Variants in STK3 observed in about 807,000 individuals in gnomAD.
STK3 encodes serine/threonine-protein kinase 3.
STK3 carries 41 observed loss-of-function variants against 58.0 expected under a neutral mutation model. The observed-to-expected ratio is 0.71, with a 90% CI of 0.55 to 0.92. STK3 has a LOEUF of 0.92. Ranked by LOEUF, STK3 falls within the 40% of genes least tolerant of loss-of-function variation. STK3 has a pLI of 0.00. For missense variants in STK3, 479 were observed against 602.7 expected, an observed-to-expected ratio of 0.79 and a Z score of 2.15; for synonymous variants, 170 against 191.0, an observed-to-expected ratio of 0.89 and a Z score of 0.91.
chr8:98,838,456 C>A (rs767808497), intron 3 of STK3, among the ~76,000 whole-genome samples: 58 of 151,860 alleles, frequency 3.8e-4, no homozygotes, highest in Non-Finnish European at 7.5e-4. Context: ...TAAGAATACC[C>A]CTAGATAAAT....
intron 5 of STK3, 137 bp downstream of exon 5, chr8:98,707,010 A>G: frequency 1.1e-6 from 1 of 930,082 alleles, no homozygotes; most frequent in Non-Finnish European, 1.5e-6. Context: ...ATTTGGCTCA[A>G]TTATGGTTCC....
At chr8:98,834,294 A>G (rs1835667431) in intron 3 of STK3, among the ~76,000 whole-genome samples, 1 of 152,172 alleles carries the variant, frequency 6.6e-6, no homozygotes, top group Non-Finnish European at 1.5e-5. Context: ...GTGCATATTC[A>G]TGGCAACTTG....
chr8:98,628,303 T>C (rs914779790), intron 6 of STK3, among the ~76,000 whole-genome samples: 1 of 152,222 alleles, frequency 6.6e-6, no homozygotes, highest in Non-Finnish European at 1.5e-5. Flanking sequence ...TCCCAACCAC[T>C]TGGTCTGGCT....
chr8:98,734,669 C>T (rs1378678281), intron 4 of STK3, among the ~76,000 whole-genome samples: 1 of 152,090 alleles, frequency 6.6e-6, no homozygotes, highest in Non-Finnish European at 1.5e-5. Context: ...TTCTACTCTG[C>T]AGTATATGTT....
At chr8:98,760,600 T>C (rs1228574261) in intron 3 of STK3, among the ~76,000 whole-genome samples, 1 of 152,202 alleles carries the variant, frequency 6.6e-6, no homozygotes, top group Non-Finnish European at 1.5e-5. Context: ...CCACATTCTA[T>C]GCCTTTCTCT....
rs1818288474 is a variant in STK3 at position 98,428,958 on chromosome 8, A to AAAGAAG, written n.483+5163_483+5168dup. 6.2e-7 allele frequency: 1 copy of AAAGAAG among 1,613,890 alleles called. No individual in the cohort carries two copies. Among genetic ancestry groups the AAAGAAG allele is most frequent in the African/African-American group, 1.3e-5 (1 of 74,892 alleles). ...GGGGGCCACTTTGAAATACAGCTAC[A>AAAGAAG]AAGAAGTAGGGCTGCTCTTGCTCTA... On this transcript the variant is annotated intron_variant and non_coding_transcript_variant, in intron 3 of 3. Transcript: ENST00000517832. This position sits in a 1 kb window ranked among gnomAD's most constrained non-coding sequence, Gnocchi z 6.7.
At chr8:98,674,284 T>C (rs969562512) in intron 6 of STK3, among the ~76,000 whole-genome samples, 8 of 152,144 alleles carry the variant, frequency 5.3e-5, no homozygotes, top group African/African-American at 1.7e-4. Flanking sequence ...ATAAATATTA[T>C]ATTGTTACAT....
intron 6 of STK3, among the ~76,000 whole-genome samples, chr8:98,634,431 C>G (rs953149280): frequency 2.0e-5 from 3 of 151,614 alleles, no homozygotes; most frequent in African/African-American, 7.3e-5. Flanking sequence ...ACCCAGGAAG[C>G]GGAGGTTCCA....
At chr8:98,467,564 G>T (rs1251389577) in intron 10 of STK3, among the ~76,000 whole-genome samples, 2 of 151,814 alleles carry the variant, frequency 1.3e-5, no homozygotes, top group Non-Finnish European at 2.9e-5. Context: ...GTGTGTGTGT[G>T]TGTGTGTGTG....
At chr8:98,741,069 A>G (rs1829162201) in intron 4 of STK3, among the ~76,000 whole-genome samples, 1 of 152,226 alleles carries the variant, frequency 6.6e-6, no homozygotes, top group Non-Finnish European at 1.5e-5. Context: ...TATGCACCCA[A>G]TACAGGAGCA....
At chr8:98,829,218 C>T (rs1387035398), upstream of STK3, among the ~76,000 whole-genome samples, 1 of 152,160 alleles carries the variant, frequency 6.6e-6, no homozygotes, top group East Asian at 1.9e-4. Flanking sequence ...AACTACTCTA[C>T]CTAATTATTC....
chr8:98,548,164 G>C lies in STK3; in HGVS notation c.949-3C>G. ...TGGGAATCCAGCTCATCTTCATCCT[G>C]CAAGCAAAATACTGCAATGAGGGAA... On this transcript the variant is annotated splice_polypyrimidine_tract_variant and splice_region_variant and intron_variant, in intron 8 of 10. Coordinates refer to ENST00000419617, the MANE Select transcript of STK3 (RefSeq NM_006281.4). The C allele has an allele frequency of 6.6e-7, 1 of 1,522,048 alleles. No individual in the cohort carries two copies. Among genetic ancestry groups the C allele is most frequent in the Non-Finnish European group, 8.8e-7 (1 of 1,135,038 alleles). 94.3% of individuals were successfully genotyped at this position (1,522,048 alleles called of 1,614,324 possible). A position where few individuals can be genotyped will look rare whatever the true frequency, so the allele number is the denominator to read the frequency against.
intron 9 of STK3, among the ~76,000 whole-genome samples, chr8:98,528,178 T>C (rs184585846): frequency 1.3e-3 from 198 of 152,316 alleles, no homozygotes; most frequent in Non-Finnish European, 2.1e-4. Flanking sequence ...CAAACTAGTC[T>C]CCTTGCTTCC....
At chr8:98,815,557 C>T (rs1053563449) in intron 1 of STK3, among the ~76,000 whole-genome samples, 1 of 152,160 alleles carries the variant, frequency 6.6e-6, no homozygotes. Context: ...GTCATGTTAT[C>T]TCCTGAAGAG....
At chr8:98,445,127 A>G (rs992020492) in intron 1 of STK3, among the ~76,000 whole-genome samples, 24 of 152,358 alleles carry the variant, frequency 1.6e-4, no homozygotes, top group African/African-American at 5.8e-4. Flanking sequence ...CACGGTTTTT[A>G]ATATATTCAG....
the STK3 span, among the ~76,000 whole-genome samples, chr8:98,360,091 CCT>C: frequency 1.3e-5 from 2 of 152,300 alleles, no homozygotes; most frequent in East Asian, 3.9e-4. Flanking sequence ...TCTTCTGTCC[CCT>C]CTTTGCTGTA....
intron 4 of STK3, among the ~76,000 whole-genome samples, chr8:98,710,183 G>A (rs1054578411): frequency 2.0e-5 from 3 of 152,118 alleles, no homozygotes; most frequent in African/African-American, 7.2e-5. Context: ...GGCTGAATAG[G>A]AACAGCTCCA....
At chr8:98,674,704 G>A (rs1823072196) in intron 6 of STK3, among the ~76,000 whole-genome samples, 1 of 152,050 alleles carries the variant, frequency 6.6e-6, no homozygotes, top group Non-Finnish European at 1.5e-5. Context: ...GAGACTATGA[G>A]GTACTTTCTA....
intron 6 of STK3, among the ~76,000 whole-genome samples, chr8:98,672,378 T>C (rs1203078165): frequency 6.6e-6 from 1 of 152,176 alleles, no homozygotes; most frequent in Non-Finnish European, 1.5e-5. Flanking sequence ...AGAAACCTTG[T>C]ATGGGAAAGA....
Sources: allele counts gnomAD v4.1 joint callset (sites outside exome capture counted in the v4.1 genomes callset), GRCh38; gene constraint gnomAD v4.1.1; non-coding constraint Gnocchi (gnomAD v3.1); transcripts MANE v1.5; gene names NCBI Gene and HGNC (gene_info 2026-07-23, HGNC 2026-07-21).